SSUH2: variants seen among roughly 807,000 people sequenced by gnomAD.
The protein encoded by SSUH2 is ssu-2 homolog.
A neutral mutation model predicts 55.3 loss-of-function variants in SSUH2; 47 were observed. The observed-to-expected ratio is 0.85, with a 90% CI of 0.67 to 1.08. The LOEUF is 1.08. Ranked by LOEUF, SSUH2 falls within the 50% of genes least tolerant of loss-of-function variation. The pLI, the probability that SSUH2 is intolerant of heterozygous loss-of-function variation, is 0.00. For missense variants in SSUH2, 535 were observed against 490.7 expected (o/e 1.09, Z -0.85); for synonymous variants, 212 against 191.5 (o/e 1.11, Z -0.89).
At chr3:8,631,522 A>G (rs75961611) in intron 5 of SSUH2, among the ~76,000 whole-genome samples, 3,387 of 152,248 alleles carry the variant, frequency 0.022, 137 homozygotes, top group African/African-American at 0.078. Flanking sequence ...AGGAGGAGAA[A>G]TCCTGAAAAG....
chr3:8,670,501 C>A (rs1704441897), intron 5 of SSUH2, among the ~76,000 whole-genome samples: 1 of 151,916 alleles, frequency 6.6e-6, no homozygotes, highest in Non-Finnish European at 1.5e-5. Flanking sequence ...GGAGAGCATG[C>A]CCCTAGGATA....
At chr3:8,648,066 G>A (rs1033370324), upstream of SSUH2, among the ~76,000 whole-genome samples, 2 of 152,178 alleles carry the variant, frequency 1.3e-5, no homozygotes, top group African/African-American at 4.8e-5. Flanking sequence ...CAGAAAACAG[G>A]GACTGAGATC....
At chr3:8,661,649 T>C (rs1277251221) in intron 6 of SSUH2, among the ~76,000 whole-genome samples, 2 of 152,242 alleles carry the variant, frequency 1.3e-5, no homozygotes, top group Admixed American at 6.5e-5. Context: ...TCAAGGTTTT[T>C]GCACCAGTGC....
At chr3:8,655,872 C>A (rs116227019) in intron 7 of SSUH2, among the ~76,000 whole-genome samples, 2 of 152,214 alleles carry the variant, frequency 1.3e-5, no homozygotes, top group African/African-American at 4.8e-5. Context: ...CCGCTCTGTT[C>A]TATCCTAAGT....
chr3:8,657,887 G>A (rs1703088794), intron 7 of SSUH2, among the ~76,000 whole-genome samples: 1 of 152,280 alleles, frequency 6.6e-6, no homozygotes, highest in Non-Finnish European at 1.5e-5. Flanking sequence ...TCAGCAGGCA[G>A]TGGGGCTGTC....
chr3:8,641,488 T>C (rs971940383), intron 1 of SSUH2, among the ~76,000 whole-genome samples: 1 of 152,204 alleles, frequency 6.6e-6, no homozygotes, highest in Non-Finnish European at 1.5e-5. Context: ...TGGAAACTGA[T>C]TCAGGAGAGC....
chr3:8,635,813 G>A lies in SSUH2; in HGVS notation c.73C>T (p.Pro25Ser), dbSNP rs746673245. 6.5e-7 allele frequency: 1 copy of A among 1,536,050 alleles called. No homozygotes were observed. The highest frequency in any genetic ancestry group is 1.2e-5 in the South Asian group (1 of 84,018). Residue 25 changes from proline (P) to serine (S), a missense_variant, in exon 2 of 12, where the codon CCC (proline) becomes TCC (serine). Transcript: ENST00000544814. ...SFEAESPLAP[P>S]TELLERLPSY... is the part of the protein sequence containing the mutation. ...GGCAGTCTCTCCAGGAGCTCTGTGGGGGGCGCCAGAGGACTCTCGGCCTCA... is the reference window on the plus strand; with the variant it reads ...GGCAGTCTCTCCAGGAGCTCTGTGGAGGGCGCCAGAGGACTCTCGGCCTCA...
chr3:8,640,123 AC>A, intron 1 of SSUH2: 3 of 502,730 alleles, frequency 6.0e-6, no homozygotes, highest in Non-Finnish European at 5.1e-6. Flanking sequence ...TTTCAGATTT[AC>A]AAGGTGAAAG....
chr3:8,649,318 C>A (rs971141040), upstream of SSUH2, among the ~76,000 whole-genome samples: 1 of 152,184 alleles, frequency 6.6e-6, no homozygotes, highest in African/African-American at 2.4e-5. Flanking sequence ...TCCTCATTCC[C>A]AGAGCAGGTC....
intron 1 of SSUH2, among the ~76,000 whole-genome samples, chr3:8,640,747 T>A (rs544619028): frequency 3.3e-5 from 5 of 152,284 alleles, no homozygotes; most frequent in Admixed American, 3.3e-4. Flanking sequence ...GGGAAGCAAA[T>A]GTTCACCATG....
intron 5 of SSUH2, chr3:8,670,949 T>C (rs755868448): frequency 2.1e-5 from 8 of 378,846 alleles, no homozygotes; most frequent in South Asian, 1.6e-4. Context: ...CGTGTGACAT[T>C]AGAAGTAACA....
intron 3 of SSUH2, among the ~76,000 whole-genome samples, chr3:8,676,315 C>T (rs1396956700): frequency 2.0e-5 from 3 of 151,906 alleles, no homozygotes; most frequent in East Asian, 2.0e-4. Flanking sequence ...CTACTCCCTG[C>T]GATATCGCGT....
In SSUH2 at chr3:8,676,104, C is replaced by T. The variant is rs544509189; in HGVS notation, c.-753+1102G>A. 2.8e-4 allele frequency among the ~76,000 whole-genome samples: 43 copies of T among 152,222 alleles called. 1 individual carries two copies. In the South Asian group the frequency reaches 7.1e-3, roughly 25 times the overall value. The stretch of plus-strand genomic sequence containing the variant: ...TGACTGAGAGCCAGCCCCTCTTCCC[C>T]GCCTGGCTCTTAGGATCCACGGTGG... On this transcript the variant is annotated intron_variant, in intron 3 of 18. Coordinates refer to the SSUH2 transcript ENST00000317371.
intron 3 of SSUH2, chr3:8,634,344 A>C (rs1699521470): frequency 7.9e-7 from 1 of 1,270,486 alleles, no homozygotes; most frequent in South Asian, 1.3e-5. Flanking sequence ...CTCTTTCTGC[A>C]TGCCTCCCCC....
intron 7 of SSUH2, among the ~76,000 whole-genome samples, chr3:8,652,290 G>T (rs554102780): frequency 6.6e-6 from 1 of 152,244 alleles, no homozygotes; most frequent in Non-Finnish European, 1.5e-5. Flanking sequence ...CCAGTCCCAG[G>T]GTCTCAGGTG....
chr3:8,667,031 G>A (rs780095271), intron 5 of SSUH2, among the ~76,000 whole-genome samples: 3 of 152,212 alleles, frequency 2.0e-5, no homozygotes, highest in East Asian at 3.8e-4. Flanking sequence ...GTCCACGCAC[G>A]TTCTCTGCTT....
chr3:8,679,431 G>T (rs998884899), intron 2 of SSUH2, among the ~76,000 whole-genome samples: 1 of 137,244 alleles, frequency 7.3e-6, no homozygotes, highest in African/African-American at 2.6e-5. Context: ...TGGCTCTTAG[G>T]ACCCCCATCA....
rs1010253410 is a variant in SSUH2 at position 8,619,974 on chromosome 3, T to C, written c.1022A>G (p.Tyr341Cys). Residue 341 changes from tyrosine to cysteine, a missense_variant, in exon 12 of 12, where the codon TAT (tyrosine) becomes TGT (cysteine). Transcript: ENST00000544814. ...GACATAAGTCTTTCCTTGGTACCAA[T>C]AGTGAACTTCTGTGAGGGGGATCAG... ...IELIPLTEVH[Y>C]WYQGKTYVYY... 1.7e-5 allele frequency: 28 copies of C among 1,613,998 alleles called. No homozygotes were observed. The highest frequency in any genetic ancestry group is 4.5e-5 in the East Asian group (2 of 44,894).
At chr3:8,644,400 G>C (rs1358269712) in intron 1 of SSUH2, among the ~76,000 whole-genome samples, 1 of 152,178 alleles carries the variant, frequency 6.6e-6, no homozygotes, top group Non-Finnish European at 1.5e-5. Flanking sequence ...TGGTGTCACT[G>C]TGATAGAGAG....
Sources: allele counts gnomAD v4.1 joint callset (sites outside exome capture counted in the v4.1 genomes callset), GRCh38; gene constraint gnomAD v4.1.1; transcripts MANE v1.5; gene names NCBI Gene and HGNC (gene_info 2026-07-23, HGNC 2026-07-21).